The following DIS3L2 variants were observed in gnomAD, a reference collection of about 807,000 sequenced individuals.
DIS3L2 encodes DIS3-like exonuclease 2.
A neutral mutation model predicts 97.5 loss-of-function variants in DIS3L2; 34 were observed. That is an observed-to-expected ratio of 0.35 (90% CI 0.27 to 0.46). DIS3L2 has a LOEUF of 0.46. DIS3L2 is among the 20% of genes least tolerant of loss of function. The probability of loss-of-function intolerance (pLI) is 1.00; values close to 1 mark genes in which losing one functional copy is unlikely to be tolerated. For missense variants in DIS3L2, 1,038 were observed against 1,146.0 expected (o/e 0.91, Z 1.36); for synonymous variants, 435 against 445.2 (o/e 0.98, Z 0.29).
intron 14 of DIS3L2, among the ~76,000 whole-genome samples, chr2:232,309,578 G>A (rs1695069544): frequency 6.6e-6 from 1 of 151,864 alleles, no homozygotes; most frequent in Non-Finnish European, 1.5e-5. Context: ...CCTGGGCTTA[G>A]GTAGATCCTC....
intron 7 of DIS3L2, among the ~76,000 whole-genome samples, chr2:232,132,530 A>G (rs557024113): frequency 6.6e-6 from 1 of 152,304 alleles, no homozygotes; most frequent in Non-Finnish European, 1.5e-5. Flanking sequence ...AAACAACATA[A>G]CAGCAGGGAC....
intron 1 of DIS3L2, among the ~76,000 whole-genome samples, chr2:232,012,043 C>T (rs1269866654): frequency 6.6e-6 from 1 of 152,208 alleles, no homozygotes; most frequent in African/African-American, 2.4e-5. Context: ...CCTTTACTGC[C>T]TGCCTAGCTG....
intron 6 of DIS3L2, among the ~76,000 whole-genome samples, chr2:232,129,311 A>G (rs1267230781): frequency 6.6e-6 from 1 of 152,226 alleles, no homozygotes; most frequent in African/African-American, 2.4e-5. Context: ...TTTGTTCTGC[A>G]GAGCACATTG....
intron 5 of DIS3L2, among the ~76,000 whole-genome samples, chr2:232,053,053 A>G (rs1319884414): frequency 1.3e-5 from 2 of 152,220 alleles, no homozygotes; most frequent in East Asian, 1.9e-4. Context: ...ACTGGACTAT[A>G]GTATTTCTTT....
At chr2:232,040,990 T>A (rs1041099003) in intron 5 of DIS3L2, among the ~76,000 whole-genome samples, 1 of 152,214 alleles carries the variant, frequency 6.6e-6, no homozygotes, top group African/African-American at 2.4e-5. Context: ...ATAGGTAATA[T>A]CTTAAGTTGC....
rs966315437 is a variant in DIS3L2, at chr2:232,228,515, T to G, written c.1205-10018T>G. 1.3e-5 allele frequency among the ~76,000 whole-genome samples: 2 copies of G among 152,262 alleles called. 1 individual carries two copies. ...TTCTGGCATGAAAATAGTTGTTTCC[T>G]GTTCAGAAGGAGTATGCCCAGTTCT... On this transcript the variant is annotated intron_variant, in intron 10 of 20. Transcript: ENST00000325385.
intron 6 of DIS3L2, among the ~76,000 whole-genome samples, chr2:232,094,456 G>T (rs562871218): frequency 4.9e-4 from 74 of 152,198 alleles, no homozygotes; most frequent in African/African-American, 1.5e-3. Context: ...GGTGGCTCAT[G>T]CCTGTAATCC....
chr2:232,071,683 G>A (rs1696023721), intron 5 of DIS3L2, among the ~76,000 whole-genome samples: 1 of 152,126 alleles, frequency 6.6e-6, no homozygotes, highest in Non-Finnish European at 1.5e-5. Flanking sequence ...TCAAGGTCTT[G>A]TAAGCCAAAG....
chr2:232,027,814 A>G (rs1453663076), intron 4 of DIS3L2, among the ~76,000 whole-genome samples: 4 of 152,166 alleles, frequency 2.6e-5, no homozygotes, highest in African/African-American at 4.8e-5. Flanking sequence ...GAGGTTCTCA[A>G]TAAAAATGAA....
intron 1 of DIS3L2, among the ~76,000 whole-genome samples, chr2:231,992,247 C>G (rs968661657): frequency 2.0e-5 from 3 of 152,066 alleles, no homozygotes; most frequent in African/African-American, 7.2e-5. Context: ...TTGAGCTGTT[C>G]TTTAATGGGT....
At chr2:232,133,748 G>A (rs561092000) in intron 7 of DIS3L2, among the ~76,000 whole-genome samples, 3 of 152,122 alleles carry the variant, frequency 2.0e-5, no homozygotes, top group Non-Finnish European at 2.9e-5. Context: ...ACTTTGGGAG[G>A]CCAAGGTGGG....
intron 6 of DIS3L2, 95 bp from the exon 7 acceptor site, chr2:232,130,524 T>C: frequency 7.0e-7 from 1 of 1,424,002 alleles, no homozygotes; most frequent in South Asian, 1.5e-5. Context: ...GGGTAACTGG[T>C]ATCCAGGCAT....
intron 5 of DIS3L2, among the ~76,000 whole-genome samples, chr2:232,070,104 C>T (rs1695969048): frequency 6.6e-6 from 1 of 152,158 alleles, no homozygotes; most frequent in African/African-American, 2.4e-5. Flanking sequence ...TATATATGTT[C>T]ATCCACTAAA....
At chr2:232,275,518 T>C (rs1400501320) in intron 13 of DIS3L2, among the ~76,000 whole-genome samples, 1 of 152,176 alleles carries the variant, frequency 6.6e-6, no homozygotes. Flanking sequence ...GTGGTACTGC[T>C]CTTCCTCAAG....
chr2:232,308,325 G>A (rs1695037716), intron 14 of DIS3L2, among the ~76,000 whole-genome samples: 1 of 152,164 alleles, frequency 6.6e-6, no homozygotes, highest in Admixed American at 6.5e-5. Flanking sequence ...CAGACAGTGA[G>A]GCCAGCAGTT....
intron 9 of DIS3L2, among the ~76,000 whole-genome samples, chr2:232,183,420 C>T (rs1053421822): frequency 2.0e-5 from 3 of 152,216 alleles, no homozygotes; most frequent in Non-Finnish European, 4.4e-5. Context: ...GGCTCTGTGT[C>T]GACTAATACC....
At chr2:232,116,213 A>C (rs535157474) in intron 6 of DIS3L2, among the ~76,000 whole-genome samples, 1 of 151,700 alleles carries the variant, frequency 6.6e-6, no homozygotes. Flanking sequence ...TAAATAAATA[A>C]ATAAATAAAA....
At chr2:232,335,533 C>G (rs1374977034) in intron 19 of DIS3L2, 2 of 545,132 alleles carry the variant, frequency 3.7e-6, no homozygotes, top group Non-Finnish European at 6.6e-6. Context: ...CACCACTTGC[C>G]CCCCATAGCA....
intron 19 of DIS3L2, 80 bp from the exon 20 acceptor site, chr2:232,335,693 A>G: frequency 6.8e-7 from 1 of 1,480,412 alleles, no homozygotes; most frequent in East Asian, 2.5e-5. Context: ...GGCCGCCTCC[A>G]AGCATTGAAG....
Sources: gnomAD v4.1 joint callset for allele counts (sites outside exome capture counted in the v4.1 genomes callset) on GRCh38, gnomAD v4.1.1 for gene constraint, MANE v1.5 for transcripts, NCBI Gene and HGNC (gene_info 2026-07-23, HGNC 2026-07-21) for gene names.